Variants in NDUFAF6 observed in about 807,000 individuals in gnomAD.
The protein encoded by NDUFAF6 is NADH:ubiquinone oxidoreductase complex assembly factor 6.
Under a neutral mutation model 40.8 loss-of-function variants are expected in NDUFAF6, and 45 were observed. The observed-to-expected ratio is 1.10, with a 90% CI of 0.87 to 1.42. The LOEUF (loss-of-function observed/expected upper bound fraction) is 1.42. NDUFAF6 is among the 40% of genes most tolerant of loss of function. The probability of loss-of-function intolerance (pLI) is 0.00; values close to 1 mark genes in which losing one functional copy is unlikely to be tolerated. For synonymous variants in NDUFAF6, 185 were observed against 155.9 expected (o/e 1.19, Z -1.39); for missense variants, 435 against 418.5 (o/e 1.04, Z -0.34).
At chr8:94,975,969 G>T (rs1417526705) in intron 1 of NDUFAF6, 1 of 152,126 alleles carries the variant, frequency 6.6e-6, no homozygotes, top group Non-Finnish European at 1.5e-5. Flanking sequence ...CCAGCACTTT[G>T]GGAGGCAGAG....
upstream of NDUFAF6, among the ~76,000 whole-genome samples, chr8:95,099,523 G>A (rs529851277): frequency 6.6e-6 from 1 of 151,792 alleles, no homozygotes; most frequent in South Asian, 2.1e-4. Context: ...AGGCAGGGGA[G>A]TCCCTTGAGC....
chr8:95,096,108 G>C (rs1032341487), upstream of NDUFAF6, among the ~76,000 whole-genome samples: 2 of 152,202 alleles, frequency 1.3e-5, no homozygotes, highest in African/African-American at 4.8e-5. Flanking sequence ...AGGGGTCTTT[G>C]ATACCTGGCC....
chr8:95,104,088 G>T (rs909343958), downstream of NDUFAF6, among the ~76,000 whole-genome samples: 1 of 151,944 alleles, frequency 6.6e-6, no homozygotes, highest in African/African-American at 2.4e-5. Flanking sequence ...TGTTGCCCAG[G>T]CTGGTCTCAA....
chr8:94,961,152 C>T (rs1013605553), intron 1 of NDUFAF6, among the ~76,000 whole-genome samples: 4 of 152,302 alleles, frequency 2.6e-5, no homozygotes, highest in African/African-American at 7.2e-5. Flanking sequence ...AAAATTTTTT[C>T]TCTTATTCAT....
At chr8:95,079,785 G>A (rs560542861), downstream of NDUFAF6, among the ~76,000 whole-genome samples, 1 of 151,584 alleles carries the variant, frequency 6.6e-6, no homozygotes, top group East Asian at 1.9e-4. Context: ...TGCAATCTCG[G>A]CCCATTGCAA....
At chr8:94,951,804 C>T (rs962987232) in intron 2 of NDUFAF6, among the ~76,000 whole-genome samples, 9 of 152,240 alleles carry the variant, frequency 5.9e-5, no homozygotes, top group African/African-American at 1.9e-4. Context: ...CACTGCCTCC[C>T]TTCCTGGTAT....
intron 4 of NDUFAF6, among the ~76,000 whole-genome samples, chr8:95,041,836 T>C (rs1830183112): frequency 6.6e-6 from 1 of 152,166 alleles, no homozygotes; most frequent in African/African-American, 2.4e-5. Context: ...GAGGCATGTG[T>C]ATGCACAACC....
upstream of NDUFAF6, among the ~76,000 whole-genome samples, chr8:95,098,761 T>G (rs752193575): frequency 2.6e-5 from 4 of 152,076 alleles, no homozygotes; most frequent in East Asian, 7.7e-4. Flanking sequence ...TATTGCCATG[T>G]TAAAATACAA....
downstream of NDUFAF6, among the ~76,000 whole-genome samples, chr8:95,061,095 T>G (rs1380540614): frequency 1.3e-5 from 2 of 152,136 alleles, no homozygotes; most frequent in Admixed American, 1.3e-4. Context: ...AGAAGCAGTG[T>G]GTACAAAGGC....
chr8:95,047,286 A>G (rs75662115), intron 6 of NDUFAF6, among the ~76,000 whole-genome samples, 159 bp downstream of exon 6: 1 of 152,306 alleles, frequency 6.6e-6, no homozygotes, highest in East Asian at 1.9e-4. Flanking sequence ...AGAGTTATCA[A>G]GTCAGAATTG....
At chr8:94,915,539 A>G (rs1819075361) in intron 1 of NDUFAF6, among the ~76,000 whole-genome samples, 2 of 152,184 alleles carry the variant, frequency 1.3e-5, no homozygotes, top group African/African-American at 4.8e-5. Flanking sequence ...ATGCGAGTGC[A>G]GGTGTTGTTT....
At chr8:95,034,988 T>C (rs1020051081) in intron 2 of NDUFAF6, among the ~76,000 whole-genome samples, 2 of 152,062 alleles carry the variant, frequency 1.3e-5, no homozygotes, top group African/African-American at 2.4e-5. Context: ...TAAGCGATTC[T>C]CCTGCCTCAG....
At chr8:94,967,851 G>C (rs1189057809) in intron 1 of NDUFAF6, among the ~76,000 whole-genome samples, 2 of 151,734 alleles carry the variant, frequency 1.3e-5, no homozygotes, top group African/African-American at 4.9e-5. Context: ...TGAGGCAGGA[G>C]AATCGTTCGA....
chr8:95,087,034 G>C (rs1266786203), intron 2 of NDUFAF6, among the ~76,000 whole-genome samples: 1 of 151,884 alleles, frequency 6.6e-6, no homozygotes, highest in South Asian at 2.1e-4. Flanking sequence ...AGCAGTTTGT[G>C]GGAGTTACCT....
chr8:95,036,825 G>A (rs1255860070), intron 3 of NDUFAF6, among the ~76,000 whole-genome samples: 1 of 152,182 alleles, frequency 6.6e-6, no homozygotes, highest in Non-Finnish European at 1.5e-5. Flanking sequence ...TTTAATAGCT[G>A]CTTAAATTTT....
At chr8:94,915,951 T>G (rs1819097864) in intron 1 of NDUFAF6, among the ~76,000 whole-genome samples, 1 of 152,232 alleles carries the variant, frequency 6.6e-6, no homozygotes, top group Non-Finnish European at 1.5e-5. Context: ...CTTTGATATC[T>G]GTGTTCTCCT....
intron 4 of NDUFAF6, among the ~76,000 whole-genome samples, chr8:95,115,372 G>A (rs1183386895): frequency 6.6e-6 from 1 of 152,178 alleles, no homozygotes; most frequent in African/African-American, 2.4e-5. Flanking sequence ...ATTTCTGGAA[G>A]GCATCCCTTG....
intron 2 of NDUFAF6, among the ~76,000 whole-genome samples, chr8:95,014,372 A>C (rs1005885801): frequency 1.3e-5 from 2 of 152,242 alleles, no homozygotes; most frequent in Non-Finnish European, 2.9e-5. Context: ...AATGCTTGGC[A>C]TGTGTAAGGA....
chr8:94,984,618 C>T (rs897266227), intron 2 of NDUFAF6, among the ~76,000 whole-genome samples: 2 of 152,142 alleles, frequency 1.3e-5, no homozygotes, highest in African/African-American at 2.4e-5. Flanking sequence ...TACAGGAGAC[C>T]AGAGAGGAGT....
Sources: allele counts gnomAD v4.1 joint callset (sites outside exome capture counted in the v4.1 genomes callset), GRCh38; gene constraint gnomAD v4.1.1; transcripts MANE v1.5; gene names NCBI Gene and HGNC (gene_info 2026-07-23, HGNC 2026-07-21).